SEMA6D: variants seen among roughly 807,000 people sequenced by gnomAD.
The protein encoded by SEMA6D is semaphorin 6D.
A neutral mutation model predicts 106.6 loss-of-function variants in SEMA6D; 35 were observed. The observed-to-expected ratio is 0.33, with a 90% CI of 0.25 to 0.44. The LOEUF (loss-of-function observed/expected upper bound fraction) is 0.44. SEMA6D is among the 20% of genes least tolerant of loss of function. The probability of loss-of-function intolerance (pLI) is 1.00; values close to 1 mark genes in which losing one functional copy is unlikely to be tolerated. For synonymous variants in SEMA6D, 499 were observed against 487.7 expected, an observed-to-expected ratio of 1.02 and a Z score of -0.31; for missense variants, 1,185 against 1,345.9, an observed-to-expected ratio of 0.88 and a Z score of 1.87.
At chr15:47,715,962 A>C (rs1027403191), upstream of SEMA6D, among the ~76,000 whole-genome samples, 1 of 152,178 alleles carries the variant, frequency 6.6e-6, no homozygotes, top group African/African-American at 2.4e-5. Context: ...AATACAGAAT[A>C]ACTGGACGCC....
chr15:47,325,204 G>C (rs752145646), intron 1 of SEMA6D, among the ~76,000 whole-genome samples: 3 of 149,344 alleles, frequency 2.0e-5, no homozygotes, highest in African/African-American at 4.9e-5. Flanking sequence ...ACAGAGTCTC[G>C]CTCTTGTTGC....
At chr15:47,715,834 T>C (rs891378700), upstream of SEMA6D, among the ~76,000 whole-genome samples, 11 of 152,210 alleles carry the variant, frequency 7.2e-5, no homozygotes, top group African/African-American at 2.7e-4. Context: ...AAGAGCTTTC[T>C]GTCTCCAGGT....
At chr15:47,249,757 A>G (rs1246473213) in intron 1 of SEMA6D, among the ~76,000 whole-genome samples, 2 of 152,146 alleles carry the variant, frequency 1.3e-5, no homozygotes, top group Admixed American at 1.3e-4. Context: ...AAGCATGGGG[A>G]AAAATATTCT....
At chr15:47,434,456 T>G (rs1441977618) in intron 2 of SEMA6D, among the ~76,000 whole-genome samples, 1 of 152,070 alleles carries the variant, frequency 6.6e-6, no homozygotes, top group Non-Finnish European at 1.5e-5. Flanking sequence ...TTTTTCTTCT[T>G]CCACCCTCCA....
intron 4 of SEMA6D, among the ~76,000 whole-genome samples, chr15:47,647,930 A>T (rs765911898): frequency 8.5e-5 from 13 of 152,176 alleles, no homozygotes; most frequent in Non-Finnish European, 1.6e-4. Flanking sequence ...TGGGGTGCTG[A>T]ATCATCCTTT....
Position 47,730,134 on chromosome 15 carries a change from T to C in SEMA6D, c.-55+12442T>C, listed in dbSNP as rs2080019519. 16 of 1,156,568 alleles carry C rather than the reference T, an allele frequency of 1.4e-5. 1 individual carries two copies. In the South Asian group the frequency reaches 1.9e-4, roughly 13 times the overall value. The allele number at this position is 1,156,568 out of a possible 1,614,324, so 71.6% of individuals were successfully genotyped here. Reference sequence around the variant, plus strand: ...ATTTTATGTACAGAAAACTCAACAGTGTACATTTAACCCAATTTAGTGGCA... The same window carrying C: ...ATTTTATGTACAGAAAACTCAACAGCGTACATTTAACCCAATTTAGTGGCA... On this transcript the variant is annotated intron_variant, in intron 1 of 18. Transcript: ENST00000536845.
intron 2 of SEMA6D, among the ~76,000 whole-genome samples, chr15:47,447,222 G>A (rs554124788): frequency 6.6e-6 from 1 of 152,210 alleles, no homozygotes; most frequent in African/African-American, 2.4e-5. Flanking sequence ...GATATTGTTT[G>A]GAATCTTCAA....
chr15:47,438,068 C>T (rs1031725504), intron 2 of SEMA6D, among the ~76,000 whole-genome samples: 4 of 152,034 alleles, frequency 2.6e-5, no homozygotes, highest in African/African-American at 7.2e-5. Context: ...AGTGAATTTC[C>T]GATATTTCCC....
chr15:47,225,965 C>G lies in SEMA6D; in HGVS notation c.-239+41547C>G, dbSNP rs2031636043. 1.3e-5 allele frequency among the ~76,000 whole-genome samples: 2 copies of G among 152,000 alleles called. 1 individual carries two copies. Among genetic ancestry groups the G allele is most frequent in the South Asian group, 4.1e-4 (2 of 4,820 alleles). On this transcript the variant is annotated intron_variant, in intron 1 of 19. Coordinates refer to the SEMA6D transcript ENST00000558014. ...TGTTGCTATATGAATTGAAATGTGT[C>G]TCTCTAAAAGATATTGAAGTCCTAA...
chr15:47,683,865 T>C (rs1596623640), intron 4 of SEMA6D, among the ~76,000 whole-genome samples: 2 of 152,342 alleles, frequency 1.3e-5, no homozygotes, highest in Non-Finnish European at 2.9e-5. Flanking sequence ...GGCCTTATAA[T>C]GTATAACTAG....
At chr15:47,668,319 C>A (rs974527500) in intron 4 of SEMA6D, among the ~76,000 whole-genome samples, 2 of 152,198 alleles carry the variant, frequency 1.3e-5, no homozygotes, top group African/African-American at 4.8e-5. Context: ...GTAGATCTAA[C>A]ACTGGAAAAC....
At chr15:47,218,291 T>C (rs1472186627) in intron 1 of SEMA6D, among the ~76,000 whole-genome samples, 1 of 152,160 alleles carries the variant, frequency 6.6e-6, no homozygotes, top group East Asian at 1.9e-4. Context: ...TTGTCTTTTT[T>C]CCACAACACC....
intron 4 of SEMA6D, among the ~76,000 whole-genome samples, chr15:47,648,555 C>G (rs542926287): frequency 6.6e-6 from 1 of 152,126 alleles, no homozygotes; most frequent in Non-Finnish European, 1.5e-5. Flanking sequence ...GGGAGCCCGC[C>G]CTATTTGTAA....
chr15:47,309,845 G>A (rs2036376667), intron 1 of SEMA6D, among the ~76,000 whole-genome samples: 1 of 152,270 alleles, frequency 6.6e-6, no homozygotes, highest in African/African-American at 2.4e-5. Context: ...GAAAACAATG[G>A]TTGGATGAGT....
At chr15:47,642,797 T>C (rs183505967) in intron 4 of SEMA6D, among the ~76,000 whole-genome samples, 7 of 152,210 alleles carry the variant, frequency 4.6e-5, no homozygotes, top group African/African-American at 1.7e-4. Context: ...TGGGATGATG[T>C]ATGGTTTTAT....
chr15:47,516,568 G>A (rs2044395394), intron 3 of SEMA6D, among the ~76,000 whole-genome samples: 3 of 152,224 alleles, frequency 2.0e-5, no homozygotes, highest in South Asian at 2.1e-4. Context: ...ATTGCTCAGA[G>A]CTCCAGAGCT....
chr15:47,365,754 G>A (rs281272), intron 1 of SEMA6D, among the ~76,000 whole-genome samples: 29,493 of 151,636 alleles, frequency 0.19, 3,248 homozygotes, highest in African/African-American at 0.29. Flanking sequence ...CCAGCTATTC[G>A]GGAGGCTGAG....
chr15:47,483,706 G>C (rs568767845), intron 3 of SEMA6D, among the ~76,000 whole-genome samples: 1 of 151,804 alleles, frequency 6.6e-6, no homozygotes, highest in South Asian at 2.1e-4. Context: ...GTTACCATGG[G>C]GACTATATTT....
chr15:47,407,393 A>C lies in SEMA6D; in HGVS notation c.-238-5000A>C, dbSNP rs1567058086. Among the ~76,000 whole-genome samples the C allele has an allele frequency of 2.1e-3, 292 of 140,724 alleles. 3 individuals are homozygous for C. The highest frequency in any genetic ancestry group is 3.1e-3 in the Non-Finnish European group (200 of 63,992). 92.3% of individuals were successfully genotyped at this position (140,724 alleles called of 152,430 possible). A position where few individuals can be genotyped will look rare whatever the true frequency, so the allele number is the denominator to read the frequency against. ...CAAAAAAAAAAAAAAAAAAACCAAA[A>C]CAACAACAACAACAACAAAAAAAAC... On this transcript the variant is annotated intron_variant, in intron 1 of 19. Coordinates refer to the SEMA6D transcript ENST00000558014.
Sources: allele counts gnomAD v4.1 joint callset (sites outside exome capture counted in the v4.1 genomes callset), GRCh38; gene constraint gnomAD v4.1.1; transcripts MANE v1.5; gene names NCBI Gene and HGNC (gene_info 2026-07-23, HGNC 2026-07-21).